Variants in FYB1 observed in about 807,000 individuals in gnomAD.
FYB1 encodes the protein FYN binding protein 1, also known as FYN-binding protein 1.
In FYB1, 41 loss-of-function variants were observed where a neutral mutation model predicts 94.1. The ratio of observed to expected loss-of-function variants is 0.44; its 90% CI spans 0.34 to 0.57. The LOEUF is 0.57. Among genes scored for constraint, FYB1 ranks in the 20% least tolerant of loss-of-function variants. The pLI, the probability that FYB1 is intolerant of heterozygous loss-of-function variation, is 0.02. For synonymous variants in FYB1, 367 were observed against 353.2 expected (o/e 1.04, Z -0.44); for missense variants, 1,050 against 976.8 (o/e 1.07, Z -1.00).
intron 1 of FYB1, among the ~76,000 whole-genome samples, chr5:39,212,203 G>C (rs2150527894): frequency 6.6e-6 from 1 of 152,248 alleles, no homozygotes; most frequent in Admixed American, 6.5e-5. Flanking sequence ...AGCTACTCTG[G>C]AGGCTGGGGT....
At position 39,106,285 on chromosome 5, in the gene FYB1, G is replaced by A. The variant is rs1161102208; in HGVS notation, c.*1158C>T. The stretch of plus-strand genomic sequence containing the variant: ...TTAGTAGAAGAGCCAGCATTATGAT[G>A]TACTCATTTTGTACTCTAGGAGTTG... On this transcript the variant is annotated 3_prime_UTR_variant, in exon 19 of 19. Coordinates refer to ENST00000512982, the MANE Select transcript of FYB1 (RefSeq NM_001465.6). 3.3e-5 allele frequency: 5 copies of A among 152,196 alleles called. No individual in the cohort carries two copies. In the East Asian group the frequency reaches 9.7e-4, roughly 29 times the overall value. The allele number at this position is 152,196 out of a possible 1,614,324, so 9.4% of individuals were successfully genotyped here. A position where few individuals can be genotyped will look rare whatever the true frequency, so the allele number is the denominator to read the frequency against.
At chr5:39,268,624 T>C (rs574711445) in intron 1 of FYB1, among the ~76,000 whole-genome samples, 25 of 152,130 alleles carry the variant, frequency 1.6e-4, no homozygotes, top group Non-Finnish European at 3.2e-4. Context: ...TGGAGTGCAA[T>C]GGCGCGATCT....
In FYB1 at chr5:39,138,590, C is replaced by T. The variant is rs1741867195; in HGVS notation, c.1394+67G>A. 6 of 890,130 alleles carry T rather than the reference C, an allele frequency of 6.7e-6. No individual in the cohort carries two copies. The South Asian group carries it at 9.8e-5, about 15-fold the overall frequency. 55.1% of individuals were successfully genotyped at this position (890,130 alleles called of 1,614,324 possible). A position where few individuals can be genotyped will look rare whatever the true frequency, so the allele number is the denominator to read the frequency against. Reference sequence around the variant, plus strand: ...CTCCTAGTGTTGTTATATACCCACTCTCCCTCATACAAAACATTATATTCA... The same window carrying T: ...CTCCTAGTGTTGTTATATACCCACTTTCCCTCATACAAAACATTATATTCA... On this transcript the variant is annotated intron_variant, in intron 6 of 18. Coordinates refer to ENST00000512982, the MANE Select transcript of FYB1 (RefSeq NM_001465.6).
At chr5:39,186,367 T>A (rs1259453359) in intron 2 of FYB1, among the ~76,000 whole-genome samples, 1 of 152,154 alleles carries the variant, frequency 6.6e-6, no homozygotes, top group Non-Finnish European at 1.5e-5. Context: ...GAGGTTGCAG[T>A]GAGCCAATAT....
intron 3 of FYB1, among the ~76,000 whole-genome samples, chr5:39,143,028 CTCT>C (rs765208419): frequency 1.3e-5 from 2 of 152,026 alleles, no homozygotes; most frequent in African/African-American, 4.8e-5. Context: ...GGTCTTGGTT[CTCT>C]TCTTCTTTTT....
At chr5:39,123,311 C>T (rs7716103) in intron 13 of FYB1, among the ~76,000 whole-genome samples, 4 of 151,998 alleles carry the variant, frequency 2.6e-5, no homozygotes, top group Non-Finnish European at 5.9e-5. Context: ...TGCTCAGCTG[C>T]GTGAAAAATA....
At chr5:39,188,540 C>CT (rs35086739) in intron 2 of FYB1, among the ~76,000 whole-genome samples, 39,935 of 69,624 alleles carry the variant, frequency 0.57, 14,484 homozygotes, top group Non-Finnish European at 0.71. Context: ...AACTACAGCA[C>CT]TTTTTTTTTT....
chr5:39,146,660 A>G (rs1188009399), intron 3 of FYB1, among the ~76,000 whole-genome samples: 1 of 152,190 alleles, frequency 6.6e-6, no homozygotes. Flanking sequence ...ATACTTCTAA[A>G]AGGAAGGGTA....
chr5:39,161,406 C>T (rs1352933166), intron 2 of FYB1, among the ~76,000 whole-genome samples: 1 of 152,124 alleles, frequency 6.6e-6, no homozygotes, highest in East Asian at 1.9e-4. Flanking sequence ...TCTAGACCCC[C>T]ATAGTCTAGT....
Position 39,134,225 on chromosome 5 carries a change from C to T in FYB1, c.1800G>A (p.Glu600=), listed in dbSNP as rs779305068. The change falls in exon 9 of 19, where the codon GAG becomes GAA. Residue 600 remains glutamate (E), a synonymous_variant. Coordinates refer to ENST00000512982, the MANE Select transcript of FYB1 (RefSeq NM_001465.6). ...GCACATACCTGCTAATATCATCCTG[C>T]TCTGCAACATCATCATATACTTCTT... ...DDQEVYDDVA[E]QDDISSHSQS... The T allele has an allele frequency of 1.2e-5, 19 of 1,611,200 alleles. No individual in the cohort carries two copies. Among genetic ancestry groups the T allele is most frequent in the Non-Finnish European group, 1.6e-5 (19 of 1,177,940 alleles).
At chr5:39,255,849 CAAG>C (rs1438830528) in intron 1 of FYB1, among the ~76,000 whole-genome samples, 3 of 152,180 alleles carry the variant, frequency 2.0e-5, no homozygotes, top group East Asian at 3.9e-4. Flanking sequence ...GAGGATGCAA[CAAG>C]AAGAAAAGAG....
chr5:39,197,654 G>A (rs1195211070), intron 2 of FYB1, among the ~76,000 whole-genome samples: 1 of 152,254 alleles, frequency 6.6e-6, no homozygotes, highest in Admixed American at 6.5e-5. Flanking sequence ...GATAATACCA[G>A]TGTCTTGGGA....
rs867895748 is a variant in FYB1 at position 39,230,878 on chromosome 5, C to T, written c.-27-27891G>A. Among the ~76,000 whole-genome samples, 97 of 128,424 alleles carry T rather than the reference C, an allele frequency of 7.6e-4. 1 individual carries two copies. The highest frequency in any genetic ancestry group is 6.6e-4 in the East Asian group (3 of 4,526). 84.3% of individuals were successfully genotyped at this position (128,424 alleles called of 152,430 possible). ...ACACACACACACACACACACACACA[C>T]ATATATATACACATACATGTATATA... On this transcript the variant is annotated intron_variant, in intron 1 of 1. Coordinates refer to the FYB1 transcript ENST00000510188.
chr5:39,224,456 C>T (rs976330083), upstream of FYB1, among the ~76,000 whole-genome samples: 11 of 152,250 alleles, frequency 7.2e-5, no homozygotes, highest in East Asian at 1.5e-3. Flanking sequence ...GAGGAGTCCA[C>T]GCCTTTCTGG....
At chr5:39,110,429 G>A in intron 16 of FYB1, 40 bp from the exon 17 acceptor site, 3 of 1,368,888 alleles carry the variant, frequency 2.2e-6, no homozygotes, top group African/African-American at 1.4e-5. Context: ...CAATAATACA[G>A]GTTGAAAAAT....
At chr5:39,152,978 C>A (rs1743377020) in intron 3 of FYB1, among the ~76,000 whole-genome samples, 1 of 152,176 alleles carries the variant, frequency 6.6e-6, no homozygotes. Flanking sequence ...AGCTAAAGTT[C>A]CATTTCCTCA....
rs1474945332 is a variant in FYB1 at position 39,259,806 on chromosome 5, A to G, written c.-28+14597T>C. On this transcript the variant is annotated intron_variant, in intron 1 of 1. Coordinates refer to the FYB1 transcript ENST00000510188. ...TAAGAGAAACAATTCCAAAAATTGG[A>G]AATACAAACTTTATCATTAAAACAA... 2.0e-5 allele frequency among the ~76,000 whole-genome samples: 3 copies of G among 152,238 alleles called. No individual in the cohort carries two copies. In the East Asian group the frequency reaches 5.8e-4, roughly 29 times the overall value.
At chr5:39,271,859 G>A (rs1175185822) in intron 1 of FYB1, among the ~76,000 whole-genome samples, 1 of 152,030 alleles carries the variant, frequency 6.6e-6, no homozygotes, top group Non-Finnish European at 1.5e-5. Flanking sequence ...CATGCTTAAT[G>A]AATGAATAGA....
chr5:39,264,683 G>A (rs922393175), intron 1 of FYB1, among the ~76,000 whole-genome samples: 1 of 151,988 alleles, frequency 6.6e-6, no homozygotes, highest in African/African-American at 2.4e-5. Context: ...TCACTTTTTG[G>A]TGTAGCAATG....
Sources: gnomAD v4.1 joint callset for allele counts (sites outside exome capture counted in the v4.1 genomes callset) on GRCh38, gnomAD v4.1.1 for gene constraint, MANE v1.5 for transcripts, NCBI Gene and HGNC (gene_info 2026-07-23, HGNC 2026-07-21) for gene names.